The following TRIM64B variants were observed in gnomAD, a reference collection of about 807,000 sequenced individuals.
TRIM64B encodes the protein tripartite motif-containing protein 64B.
For synonymous variants in TRIM64B, 17 were observed against 190.3 expected (o/e 0.09, Z 7.50); for missense variants, 57 against 536.4 (o/e 0.11, Z 8.83).
chr11:89,875,129 C>G, intron 1 of TRIM64B, 56 bp from the exon 3 acceptor site: 1 of 1,533,532 alleles, frequency 6.5e-7, no homozygotes. Flanking sequence ...AGATTTCATA[C>G]CCTTATCTTA....
chr11:89,873,075 T>TA (rs1249572476), intron 4 of TRIM64B, among the ~76,000 whole-genome samples, 193 bp downstream of exon 5: 2 of 152,132 alleles, frequency 1.3e-5, no homozygotes, highest in Non-Finnish European at 2.9e-5. Flanking sequence ...AAATTGTTTT[T>TA]ATGTATGTTT....
chr11:89,875,248 A>G (rs1950150992), intron 1 of TRIM64B, among the ~76,000 whole-genome samples, 175 bp from the exon 3 acceptor site: 1 of 152,252 alleles, frequency 6.6e-6, no homozygotes. Context: ...GAAAAGTGAT[A>G]GAAACATAAT....
chr11:89,877,883 A>C (rs1950175348), upstream of TRIM64B, among the ~76,000 whole-genome samples: 1 of 149,330 alleles, frequency 6.7e-6, no homozygotes, highest in African/African-American at 2.4e-5. Flanking sequence ...TGGCCTCTCA[A>C]AGTGCTAGGC....
rs1040661783 is a variant in TRIM64B at position 89,874,290 on chromosome 11, G to T, written c.505-11C>A. 36 of 1,387,094 alleles carry T rather than the reference G, an allele frequency of 2.6e-5. 2 individuals are homozygous for T. The African/African-American group carries it at 5.4e-4, about 21-fold the overall frequency. 85.9% of individuals were successfully genotyped at this position (1,387,094 alleles called of 1,614,324 possible). On this transcript the variant is annotated splice_polypyrimidine_tract_variant and intron_variant, in intron 2 of 5. Transcript: ENST00000329862. ...TACTGACACATAGTCCTGCAGAGAT[G>T]TTTGGTTAAAAGGATTACATGTTCT... is the stretch of plus-strand genomic sequence containing the variant.
chr11:89,875,588 C>T, intron 1 of TRIM64B, 22 bp downstream of exon 2: 1 of 1,441,060 alleles, frequency 6.9e-7, no homozygotes, highest in Non-Finnish European at 9.3e-7. Context: ...ATAATTCAAA[C>T]TGCCTTAGAG....
At chr11:89,872,789 G>T (rs1357035732) in intron 4 of TRIM64B, among the ~76,000 whole-genome samples, 1 of 151,788 alleles carries the variant, frequency 6.6e-6, no homozygotes, top group Non-Finnish European at 1.5e-5. Context: ...TGAGGGGCCC[G>T]AGGCAACCAT....
chr11:89,876,950 G>A (rs1950169446), upstream of TRIM64B, among the ~76,000 whole-genome samples: 1 of 148,120 alleles, frequency 6.8e-6, no homozygotes, highest in African/African-American at 2.4e-5. Context: ...AGCCTGGGTG[G>A]AGGGTAAAAG....
chr11:89,876,292 G>T (rs1426876349), upstream of TRIM64B, among the ~76,000 whole-genome samples: 12 of 143,322 alleles, frequency 8.4e-5, no homozygotes, highest in South Asian at 1.6e-3. Flanking sequence ...TTAGTAAATG[G>T]TGTGAATTTG....
exon 1 of TRIM64B, chr11:89,875,612 T>C (rs1464932772): frequency 1.3e-6 from 2 of 1,503,678 alleles, no homozygotes; most frequent in African/African-American, 2.8e-5. Flanking sequence ...TCACGTACCC[T>C]GCATTCCTCA....
At chr11:89,873,768 G>A (rs1950135197) in intron 3 of TRIM64B, among the ~76,000 whole-genome samples, 1 of 102,728 alleles carries the variant, frequency 9.7e-6, no homozygotes, top group East Asian at 2.8e-4. Flanking sequence ...ACCTTCCCCT[G>A]GCCTAGAGTT....
chr11:89,876,677 G>A (rs1386488406), upstream of TRIM64B, among the ~76,000 whole-genome samples: 72 of 145,398 alleles, frequency 5.0e-4, 2 homozygotes, highest in African/African-American at 1.7e-3. Flanking sequence ...AGCCGAGATC[G>A]CACCACTGCA....
At chr11:89,875,042 C>A (rs1950149185) in exon 2 of TRIM64B, 1 of 1,546,406 alleles carries the variant, frequency 6.5e-7, no homozygotes, top group Non-Finnish European at 8.8e-7. Flanking sequence ...ATTGATTTCC[C>A]ATAAATAGTC....
At chr11:89,872,785 G>T (rs1414498881) in intron 4 of TRIM64B, among the ~76,000 whole-genome samples, 1 of 151,778 alleles carries the variant, frequency 6.6e-6, no homozygotes, top group Admixed American at 6.5e-5. Context: ...CTGCTGAGGG[G>T]CCCGAGGCAA....
chr11:89,871,340 G>A (rs1305966572), intron 5 of TRIM64B, among the ~76,000 whole-genome samples: 1 of 152,194 alleles, frequency 6.6e-6, no homozygotes, highest in Non-Finnish European at 1.5e-5. Context: ...CATACCACAG[G>A]GGAAATAATG....
upstream of TRIM64B, among the ~76,000 whole-genome samples, chr11:89,876,653 C>T (rs1337480499): frequency 1.4e-5 from 2 of 145,204 alleles, no homozygotes; most frequent in Non-Finnish European, 1.5e-5. Flanking sequence ...ACCCAGGAGG[C>T]GGAGGTTGCA....
intron 5 of TRIM64B, among the ~76,000 whole-genome samples, chr11:89,871,359 T>A (rs1950106011): frequency 6.6e-6 from 1 of 152,234 alleles, no homozygotes; most frequent in African/African-American, 2.4e-5. Context: ...TGATTTAATG[T>A]CTACATCTGC....
chr11:89,877,901 A>C (rs1463726055), upstream of TRIM64B, among the ~76,000 whole-genome samples: 1 of 149,264 alleles, frequency 6.7e-6, no homozygotes, highest in Non-Finnish European at 1.5e-5. Flanking sequence ...GGCTGCAAAC[A>C]TGAGCCATCA....
intron 5 of TRIM64B, 140 bp from the exon 7 acceptor site, chr11:89,871,254 A>G: frequency 6.9e-7 from 1 of 1,455,292 alleles, no homozygotes; most frequent in South Asian, 1.4e-5. Flanking sequence ...TGCATCCATG[A>G]AGATGAAATG....
At chr11:89,875,761 TTGA>T (rs1158324256) in exon 1 of TRIM64B, 2 of 1,546,472 alleles carry the variant, frequency 1.3e-6, no homozygotes, top group African/African-American at 2.7e-5. Flanking sequence ...GTCTGAGCTG[TTGA>T]TGTTCTGAGG....
Sources: gnomAD v4.1 joint callset for allele counts (sites outside exome capture counted in the v4.1 genomes callset) on GRCh38, gnomAD v4.1.1 for gene constraint, MANE v1.5 for transcripts, NCBI Gene and HGNC (gene_info 2026-07-23, HGNC 2026-07-21) for gene names.